Variants in PER3 observed in about 807,000 individuals in gnomAD.
The protein encoded by PER3 is period circadian protein homolog 3.
In PER3, 107 loss-of-function variants were observed where a neutral mutation model predicts 127.2. The ratio of observed to expected loss-of-function variants is 0.84; its 90% CI spans 0.72 to 0.99. The LOEUF (loss-of-function observed/expected upper bound fraction) is 0.99. PER3 is among the 50% of genes least tolerant of loss of function. PER3 has a pLI of 0.00. For missense variants in PER3, 1,560 were observed against 1,525.8 expected, an observed-to-expected ratio of 1.02 and a Z score of -0.37; for synonymous variants, 618 against 585.8, an observed-to-expected ratio of 1.05 and a Z score of -0.79.
chr1:7,829,748 A>G, intron 18 of PER3, 86 bp from the exon 19 acceptor site: 1 of 1,182,088 alleles, frequency 8.5e-7, no homozygotes, highest in Non-Finnish European at 1.2e-6. Context: ...CTGAAACTAC[A>G]GAAAGCAAAA....
intron 18 of PER3, among the ~76,000 whole-genome samples, chr1:7,828,444 C>T (rs1414359853): frequency 1.3e-5 from 2 of 152,194 alleles, no homozygotes; most frequent in African/African-American, 2.4e-5. Context: ...TGGAATCTGA[C>T]GTTCCTATAT....
In PER3 at chr1:7,827,466, C is replaced by G. The variant is rs200523236; in HGVS notation, c.2537C>G (p.Ala846Gly). ...TCCGAGGGCTTGCAGCCTTACCCAG[C>G]TTTCCCTTTTCCTTACTTGGATACT... ...PLSEGLQPYP[A>G]FPFPYLDTFM... is the part of the protein sequence containing the mutation. The change falls in exon 18 of 22, where the codon GCT becomes GGT. Residue 846 changes from alanine (A) to glycine (G), a missense_variant. Ala to Gly is a moderately conservative substitution (Grantham distance 60). This residue lies in a region of PER3 where 1,332 missense variants were observed against 1,223.6 expected (regional missense o/e 1.09). Coordinates refer to ENST00000377532, the MANE Select transcript of PER3 (RefSeq NM_001377275.1). 22 of 1,614,112 alleles carry G rather than the reference C, an allele frequency of 1.4e-5. No individual in the cohort carries two copies. Among genetic ancestry groups the G allele is most frequent in the Non-Finnish European group, 1.8e-5 (21 of 1,180,018 alleles).
Position 7,844,866 on chromosome 1 carries a change from A to T in PER3, c.*2111A>T, listed in dbSNP as rs1352570589. On this transcript the variant is annotated 3_prime_UTR_variant, in exon 22 of 22. Coordinates refer to ENST00000377532, the MANE Select transcript of PER3 (RefSeq NM_001377275.1). ...TTAAATTTGTTAACTTTTTATATTA[A>T]TGACTATTGAAAGTGGTAATAAAAA... 1 of 152,438 alleles carries T rather than the reference A, an allele frequency of 6.6e-6. No individual in the cohort carries two copies. The highest frequency in any genetic ancestry group is 1.9e-4 in the East Asian group (1 of 5,268). 9.4% of individuals were successfully genotyped at this position (152,438 alleles called of 1,614,324 possible).
At chr1:7,796,746 G>A (rs1443344615) in intron 6 of PER3, among the ~76,000 whole-genome samples, 1 of 152,140 alleles carries the variant, frequency 6.6e-6, no homozygotes, top group Non-Finnish European at 1.5e-5. Context: ...AGCGTTCCGG[G>A]GGGAGGTATA....
intron 6 of PER3, among the ~76,000 whole-genome samples, 178 bp downstream of exon 6, chr1:7,794,186 C>T (rs1267135048): frequency 6.6e-6 from 1 of 152,068 alleles, no homozygotes; most frequent in Non-Finnish European, 1.5e-5. Context: ...CATGAGAAAA[C>T]TAGATAATAA....
At chr1:7,824,592 C>G (rs915045950) in intron 16 of PER3, among the ~76,000 whole-genome samples, 1 of 152,064 alleles carries the variant, frequency 6.6e-6, no homozygotes, top group Non-Finnish European at 1.5e-5. Context: ...ATGCCAGATA[C>G]TGTGAATGGG....
intron 10 of PER3, among the ~76,000 whole-genome samples, chr1:7,806,795 T>TAAAAAAAAAAAA (rs71567316): frequency 3.5e-4 from 32 of 91,870 alleles, no homozygotes; most frequent in East Asian, 2.2e-3. Flanking sequence ...CCCTGTCTCT[T>TAAAAAAAAAAAA]AAAAAAAAAA....
intron 21 of PER3, among the ~76,000 whole-genome samples, chr1:7,838,992 C>G (rs557695349): frequency 6.7e-6 from 1 of 149,596 alleles, no homozygotes; most frequent in African/African-American, 2.4e-5. Flanking sequence ...TATTTGTTTT[C>G]TATGTGCCAT....
At chr1:7,792,253 A>T (rs1369185882) in intron 5 of PER3, among the ~76,000 whole-genome samples, 1 of 152,154 alleles carries the variant, frequency 6.6e-6, no homozygotes, top group Admixed American at 6.5e-5. Flanking sequence ...AGAAGCGCCA[A>T]GCAAAAGGGG....
chr1:7,832,523 G>A (rs1428713993), intron 19 of PER3, among the ~76,000 whole-genome samples: 2 of 151,490 alleles, frequency 1.3e-5, no homozygotes, highest in Admixed American at 6.6e-5. Context: ...ACGGGTGCCC[G>A]CCACCACACC....
At position 7,819,269 on chromosome 1, in the gene PER3, C is replaced by T; in HGVS notation, c.1523-16C>T. ...GCTGGGTACTTTTAATTGCACATCC[C>T]TTTATTCTGTTTCAGGTGAATGTAA... On this transcript the variant is annotated splice_polypyrimidine_tract_variant and intron_variant, in intron 13 of 21. Coordinates refer to ENST00000377532, the MANE Select transcript of PER3 (RefSeq NM_001377275.1). 1 of 1,609,814 alleles carries T rather than the reference C, an allele frequency of 6.2e-7. No homozygotes were observed. Among genetic ancestry groups the T allele is most frequent in the Non-Finnish European group, 8.5e-7 (1 of 1,177,422 alleles).
At chr1:7,834,525 A>G (rs1008805218) in intron 19 of PER3, among the ~76,000 whole-genome samples, 2 of 152,166 alleles carry the variant, frequency 1.3e-5, no homozygotes, top group African/African-American at 4.8e-5. Flanking sequence ...ATGCAATCAT[A>G]GCTCACTGTA....
At chr1:7,836,745 C>G (rs1014987729) in intron 20 of PER3, 12 of 301,852 alleles carry the variant, frequency 4.0e-5, no homozygotes, top group South Asian at 8.7e-5. Context: ...TTTTTTTGCC[C>G]CTTCTAAAAA....
intron 16 of PER3, among the ~76,000 whole-genome samples, chr1:7,820,855 A>G (rs1017105654): frequency 5.9e-5 from 9 of 152,224 alleles, no homozygotes; most frequent in African/African-American, 1.4e-4. Flanking sequence ...TTATTTGTCA[A>G]TGAAATCAGT....
intron 13 of PER3, among the ~76,000 whole-genome samples, chr1:7,812,127 G>T (rs1315725657): frequency 6.6e-6 from 1 of 152,164 alleles, no homozygotes; most frequent in African/African-American, 2.4e-5. Context: ...GCTCACAGCT[G>T]CCTGGGCCTA....
chr1:7,839,294 A>G (rs1302366588), intron 21 of PER3, among the ~76,000 whole-genome samples: 3 of 152,244 alleles, frequency 2.0e-5, no homozygotes, highest in Non-Finnish European at 4.4e-5. Flanking sequence ...GTGTTTCCAA[A>G]AACATAATTA....
intron 21 of PER3, among the ~76,000 whole-genome samples, chr1:7,841,483 A>G (rs943964628): frequency 8.5e-5 from 13 of 152,290 alleles, no homozygotes; most frequent in African/African-American, 3.1e-4. Flanking sequence ...GTCCAAGGTC[A>G]GGGATGGGTA....
intron 2 of PER3, 128 bp from the exon 3 acceptor site, chr1:7,785,313 G>T (rs374367088): frequency 9.7e-6 from 7 of 718,232 alleles, no homozygotes; most frequent in East Asian, 8.0e-5. Context: ...AGGAAGAGGG[G>T]TCACCACCCT....
At chr1:7,807,332 G>A (rs2097199468) in intron 10 of PER3, among the ~76,000 whole-genome samples, 1 of 152,228 alleles carries the variant, frequency 6.6e-6, no homozygotes, top group Admixed American at 6.5e-5. Flanking sequence ...GGCGATTGGT[G>A]CAGCTGTTCC....
Sources: allele counts gnomAD v4.1 joint callset (sites outside exome capture counted in the v4.1 genomes callset), GRCh38; gene constraint gnomAD v4.1.1; regional missense constraint gnomAD v4.1.1; transcripts MANE v1.5; gene names NCBI Gene and HGNC (gene_info 2026-07-23, HGNC 2026-07-21).